Variants in JMY observed in about 807,000 individuals in gnomAD.
The protein encoded by JMY is junction mediating and regulatory protein, p53 cofactor.
Under a neutral mutation model 103.3 loss-of-function variants are expected in JMY, and 46 were observed. That is an observed-to-expected ratio of 0.45 (90% CI 0.35 to 0.57). The LOEUF is 0.57. Among genes scored for constraint, JMY ranks in the 20% least tolerant of loss-of-function variants. The pLI, the probability that JMY is intolerant of heterozygous loss-of-function variation, is 0.00. For synonymous variants in JMY, 526 were observed against 489.3 expected (o/e 1.07, Z -0.99); for missense variants, 1,238 against 1,255.2 (o/e 0.99, Z 0.21).
intron 1 of JMY, among the ~76,000 whole-genome samples, chr5:79,270,504 T>A (rs1364238602): frequency 3.1e-4 from 28 of 90,356 alleles, no homozygotes; most frequent in Non-Finnish European, 5.7e-4. Flanking sequence ...AAATATATAT[T>A]TACATAAATA....
At position 79,277,982 on chromosome 5, in the gene JMY, T is replaced by C. The variant is rs1745991287; in HGVS notation, c.1105T>C (p.Tyr369His). ...LDLYQMEDEA[Y>H]SSLAEATTEL... ...CTTGTATCAGATGGAGGATGAAGCC[T>C]ACAGCAGCCTTGCAGAAGCTACAAC... The change falls in exon 2 of 11, where the codon TAC becomes CAC. Residue 369 changes from tyrosine to histidine, a missense_variant. Transcript: ENST00000396137. The C allele has an allele frequency of 6.2e-7, 1 of 1,614,082 alleles. No homozygotes were observed. The highest frequency in any genetic ancestry group is 1.7e-5 in the Admixed American group (1 of 60,010).
At chr5:79,289,736 A>C (rs1047695907) in intron 2 of JMY, among the ~76,000 whole-genome samples, 1 of 151,716 alleles carries the variant, frequency 6.6e-6, no homozygotes, top group African/African-American at 2.4e-5. Flanking sequence ...CAATTGTTTT[A>C]TATAGTGGCT....
intron 10 of JMY, among the ~76,000 whole-genome samples, chr5:79,316,685 C>T (rs1180997362): frequency 2.6e-5 from 4 of 151,902 alleles, no homozygotes; most frequent in African/African-American, 7.3e-5. Context: ...GCAGGCAGAT[C>T]ACTTGAGGTC....
intron 4 of JMY, among the ~76,000 whole-genome samples, chr5:79,291,740 C>G (rs1314113753): frequency 6.6e-6 from 1 of 152,148 alleles, no homozygotes; most frequent in East Asian, 1.9e-4. Flanking sequence ...ACACTGGTCT[C>G]CCCCATCTCC....
intron 1 of JMY, among the ~76,000 whole-genome samples, chr5:79,254,112 A>AT (rs35066606): frequency 0.5 from 70,342 of 140,176 alleles, 18,880 homozygotes; most frequent in South Asian, 0.62. Flanking sequence ...ACGCCCAGCT[A>AT]TTTTTTTTTT....
rs1184162330 is a variant in JMY, at chr5:79,325,550, G to A, written c.*3948G>A. The A allele has an allele frequency of 6.6e-6, 1 of 152,130 alleles. No homozygotes were observed. Among genetic ancestry groups the A allele is most frequent in the East Asian group, 1.9e-4 (1 of 5,198 alleles). 9.4% of individuals were successfully genotyped at this position (152,130 alleles called of 1,614,324 possible). On this transcript the variant is annotated 3_prime_UTR_variant, in exon 11 of 11. Coordinates refer to ENST00000396137, the MANE Select transcript of JMY (RefSeq NM_152405.5). ...ACTTACTGCTTAGCATAGAAAAAGA[G>A]CTATGGTTAGAGGAGTGACCAGCAA...
intron 1 of JMY, among the ~76,000 whole-genome samples, chr5:79,243,576 A>G (rs10805925): frequency 0.47 from 71,869 of 152,002 alleles, 17,612 homozygotes; most frequent in African/African-American, 0.61. Flanking sequence ...TCAAGACAGA[A>G]GATATGTCAA....
chr5:79,281,105 C>A (rs1023106920), intron 2 of JMY, among the ~76,000 whole-genome samples: 3 of 151,548 alleles, frequency 2.0e-5, no homozygotes, highest in African/African-American at 7.3e-5. Flanking sequence ...AGTGCAGTGG[C>A]GCGATTTTGG....
chr5:79,300,001 T>TATA, intron 4 of JMY, 152 bp from the exon 5 acceptor site: 1 of 448,256 alleles, frequency 2.2e-6, no homozygotes, highest in Non-Finnish European at 3.9e-6. Flanking sequence ...TATATATATA[T>TATA]TTTTAAAGTC....
At chr5:79,318,100 C>G (rs1747298596) in intron 10 of JMY, among the ~76,000 whole-genome samples, 2 of 152,048 alleles carry the variant, frequency 1.3e-5, no homozygotes, top group South Asian at 4.1e-4. Flanking sequence ...CTCGTGGGTT[C>G]AAGTGAATCT....
intron 1 of JMY, among the ~76,000 whole-genome samples, chr5:79,264,136 A>G (rs984659245): frequency 2.0e-5 from 3 of 151,516 alleles, no homozygotes; most frequent in Admixed American, 6.6e-5. Context: ...CCCAGGGTAG[A>G]GTACAGTGAT....
intron 2 of JMY, chr5:79,284,339 T>C: frequency 1.5e-6 from 2 of 1,315,274 alleles, no homozygotes; most frequent in Non-Finnish European, 2.2e-6. Context: ...TTCTATGTCT[T>C]TTCCAATGCT....
Position 79,237,630 on chromosome 5 carries a change from G to T in JMY, c.980G>T (p.Arg327Leu). 1 of 1,613,756 alleles carries T rather than the reference G, an allele frequency of 6.2e-7. No individual in the cohort carries two copies. Among genetic ancestry groups the T allele is most frequent in the Non-Finnish European group, 8.5e-7 (1 of 1,180,000 alleles). Residue 327 changes from arginine (R) to leucine (L), a missense_variant, in exon 1 of 11, where the codon CGG becomes CTG. Coordinates refer to ENST00000396137, the MANE Select transcript of JMY (RefSeq NM_152405.5). The part of the protein sequence containing the change: ...EEYYESLSEL[R>L]QKGYEEVLQR... Reference sequence around the variant, plus strand: ...TATTACGAAAGCCTCAGCGAGCTGCGGCAGAAGGGCTACGAAGAAGTGCTT... The same window carrying T: ...TATTACGAAAGCCTCAGCGAGCTGCTGCAGAAGGGCTACGAAGAAGTGCTT...
chr5:79,266,688 A>C (rs560050363), intron 1 of JMY, among the ~76,000 whole-genome samples: 3 of 152,152 alleles, frequency 2.0e-5, no homozygotes, highest in Non-Finnish European at 4.4e-5. Context: ...TATTCCTTCT[A>C]ACTGTATTTT....
intron 10 of JMY, among the ~76,000 whole-genome samples, chr5:79,319,813 C>G (rs1054220146): frequency 6.6e-6 from 1 of 152,112 alleles, no homozygotes; most frequent in Non-Finnish European, 1.5e-5. Flanking sequence ...CTCCTGATCT[C>G]AGGTGATCCA....
intron 7 of JMY, among the ~76,000 whole-genome samples, chr5:79,310,220 A>T (rs1280254427): frequency 1.3e-5 from 2 of 150,738 alleles, no homozygotes; most frequent in Non-Finnish European, 3.0e-5. Flanking sequence ...ATGCCACCAC[A>T]CCTGGCTAAT....
intron 1 of JMY, 110 bp from the exon 2 acceptor site, chr5:79,277,800 T>TTC: frequency 1.2e-6 from 1 of 849,318 alleles, no homozygotes; most frequent in Non-Finnish European, 1.8e-6. Context: ...TCCCTCTTGC[T>TTC]TCTGTGTTTT....
Position 79,314,550 on chromosome 5 carries a change from T to G in JMY, c.2358T>G (p.Leu786=). ...VTSELPPTIS[L]PLLNNNLEPC... ...CTGAACTGCCTCCCACTATATCTCTTCCACTTTTGAATAACAACCTCGAAC... is the reference window on the plus strand; with the variant it reads ...CTGAACTGCCTCCCACTATATCTCTGCCACTTTTGAATAACAACCTCGAAC... Residue 786 remains leucine (L), a synonymous_variant, in exon 9 of 11, where the codon CTT becomes CTG. Transcript: ENST00000396137. 2 of 1,614,092 alleles carry G rather than the reference T, an allele frequency of 1.2e-6. No homozygotes were observed. Among genetic ancestry groups the G allele is most frequent in the Non-Finnish European group, 1.7e-6 (2 of 1,179,998 alleles).
intron 6 of JMY, among the ~76,000 whole-genome samples, chr5:79,302,533 GA>G (rs534879192): frequency 2.1e-4 from 32 of 152,244 alleles, no homozygotes; most frequent in African/African-American, 7.2e-4. Flanking sequence ...AAATTGGCCA[GA>G]TTGATGGTGT....
Sources: allele counts gnomAD v4.1 joint callset (sites outside exome capture counted in the v4.1 genomes callset), GRCh38; gene constraint gnomAD v4.1.1; transcripts MANE v1.5; gene names NCBI Gene and HGNC (gene_info 2026-07-23, HGNC 2026-07-21).